The following SYBU variants were observed in gnomAD, a reference collection of about 807,000 sequenced individuals.
The protein encoded by SYBU is GOLSYN A protein.
In SYBU, 21 loss-of-function variants were observed where a neutral mutation model predicts 35.9. That is an observed-to-expected ratio of 0.58 (90% CI 0.41 to 0.84). SYBU has a LOEUF of 0.84. Ranked by LOEUF, SYBU falls within the 40% of genes least tolerant of loss-of-function variation. The pLI, the probability that SYBU is intolerant of heterozygous loss-of-function variation, is 0.00. For missense variants in SYBU, 768 were observed against 848.2 expected, an observed-to-expected ratio of 0.91 and a Z score of 1.17; for synonymous variants, 319 against 324.3, an observed-to-expected ratio of 0.98 and a Z score of 0.18.
intron 1 of SYBU, among the ~76,000 whole-genome samples, chr8:109,666,408 A>G (rs1389616416): frequency 1.3e-5 from 2 of 152,102 alleles, no homozygotes; most frequent in African/African-American, 4.8e-5. Flanking sequence ...TACAAATAAA[A>G]AACGTCTCCC....
chr8:109,597,018 C>T (rs1434937199), intron 3 of SYBU, among the ~76,000 whole-genome samples: 4 of 152,084 alleles, frequency 2.6e-5, no homozygotes, highest in Non-Finnish European at 2.9e-5. Flanking sequence ...TTACCTTATT[C>T]CAATTTTAGG....
chr8:109,662,955 G>T (rs993262113), intron 1 of SYBU, among the ~76,000 whole-genome samples: 6 of 152,062 alleles, frequency 3.9e-5, no homozygotes, highest in African/African-American at 1.4e-4. Flanking sequence ...TAAACATATT[G>T]TAGATGCACA....
intron 1 of SYBU, among the ~76,000 whole-genome samples, chr8:109,660,301 A>G (rs763157366): frequency 6.6e-6 from 1 of 152,212 alleles, no homozygotes; most frequent in Non-Finnish European, 1.5e-5. Context: ...GACAAGTTAC[A>G]AGTTATTTTA....
At chr8:109,671,811 T>C (rs890916508) in intron 1 of SYBU, among the ~76,000 whole-genome samples, 3 of 152,200 alleles carry the variant, frequency 2.0e-5, no homozygotes, top group African/African-American at 7.2e-5. Context: ...GTTATAAAAA[T>C]GAGGATGGCA....
At chr8:109,624,619 C>G (rs1812781541) in intron 2 of SYBU, among the ~76,000 whole-genome samples, 1 of 152,152 alleles carries the variant, frequency 6.6e-6, no homozygotes, top group Non-Finnish European at 1.5e-5. Context: ...GTGGGAAAAC[C>G]CCTCTGATGG....
chr8:109,673,661 C>A (rs1200603741), intron 1 of SYBU, among the ~76,000 whole-genome samples: 1 of 152,104 alleles, frequency 6.6e-6, no homozygotes, highest in Non-Finnish European at 1.5e-5. Flanking sequence ...AGCAAGGGAA[C>A]AAAACCGAAC....
chr8:109,644,090 C>T (rs1182709250), intron 1 of SYBU: 2 of 456,772 alleles, frequency 4.4e-6, no homozygotes, highest in East Asian at 6.9e-5. Context: ...TCTGGGAGGC[C>T]GGCACATGGC....
Position 109,575,678 on chromosome 8 carries a change from A to G in SYBU, c.1220T>C (p.Leu407Pro), listed in dbSNP as rs1420582348. 6.2e-7 allele frequency: 1 copy of G among 1,614,046 alleles called. No individual in the cohort carries two copies. The highest frequency in any genetic ancestry group is 8.5e-7 in the Non-Finnish European group (1 of 1,179,998). The change falls in exon 7 of 7, where the codon CTT (leucine) becomes CCT (proline). Residue 407 changes from leucine to proline, a missense_variant. Coordinates refer to ENST00000276646, the MANE Select transcript of SYBU (RefSeq NM_001099754.2). ...AGATAACCCATCTGCCATTGTGTCA[A>G]GAGGGGGGTTGAGGGTTAAGCTCTT... ...PEKSLTLNPP[L>P]DTMADGLSLE...
At chr8:109,682,761 C>T (rs914728327), upstream of SYBU, among the ~76,000 whole-genome samples, 2 of 152,198 alleles carry the variant, frequency 1.3e-5, no homozygotes, top group Admixed American at 6.5e-5. Context: ...GCAGCAGTCC[C>T]TCCCATCACA....
In SYBU at chr8:109,576,011, T is replaced by C; in HGVS notation, c.887A>G (p.Glu296Gly). 1 of 1,538,016 alleles carries C rather than the reference T, an allele frequency of 6.5e-7. No homozygotes were observed. Among genetic ancestry groups the C allele is most frequent in the African/African-American group, 1.5e-5 (1 of 68,896 alleles). Residue 296 changes from glutamate (E) to glycine (G), a missense_variant and splice_region_variant, in exon 7 of 7, where the codon GAA (glutamate) becomes GGA (glycine). Transcript: ENST00000276646. Reference protein sequence around the residue: ...KESERRLHERESEIVELKSQL... With the variant: ...KESERRLHERGSEIVELKSQL... ...GGACTTAAGCTCCACGATTTCACTT[T>C]CCCTAGAGTGCCAAGACAAGCATGG...
rs906773603 is a variant in SYBU, at chr8:109,610,996, T to C, written c.427+7846A>G. Among the ~76,000 whole-genome samples the C allele has an allele frequency of 2.6e-5, 4 of 152,250 alleles. No homozygotes were observed. The East Asian group carries it at 7.7e-4, about 29-fold the overall frequency. On this transcript the variant is annotated intron_variant, in intron 3 of 6. Transcript: ENST00000276646. Reference sequence around the variant, plus strand: ...GTCTCTTCAATAAATGCTCCTCAATTAGGGAGGTGGGGAAAGCCCAACCTA... The same window carrying C: ...GTCTCTTCAATAAATGCTCCTCAATCAGGGAGGTGGGGAAAGCCCAACCTA...
chr8:109,674,643 C>T (rs1817118067), intron 1 of SYBU, among the ~76,000 whole-genome samples: 1 of 151,882 alleles, frequency 6.6e-6, no homozygotes, highest in Non-Finnish European at 1.5e-5. Flanking sequence ...CAAAATAAAG[C>T]AAGTTCTTAG....
chr8:109,658,294 T>C (rs1030898805), intron 1 of SYBU, among the ~76,000 whole-genome samples: 2 of 152,194 alleles, frequency 1.3e-5, no homozygotes, highest in Admixed American at 6.5e-5. Flanking sequence ...GGAGGAAATA[T>C]ATAAAGGAGG....
chr8:109,671,899 A>G (rs755938900), intron 1 of SYBU, among the ~76,000 whole-genome samples: 2 of 151,872 alleles, frequency 1.3e-5, no homozygotes, highest in Non-Finnish European at 2.9e-5. Context: ...GTCAAAATGA[A>G]TTTTTTTTGT....
At chr8:109,593,028 C>A (rs770981664) in intron 3 of SYBU, among the ~76,000 whole-genome samples, 1 of 152,124 alleles carries the variant, frequency 6.6e-6, no homozygotes, top group Admixed American at 6.5e-5. Context: ...GTTCCTAAAC[C>A]TAACTGTGCA....
At chr8:109,650,191 G>A (rs1259107404) in intron 1 of SYBU, among the ~76,000 whole-genome samples, 1 of 152,146 alleles carries the variant, frequency 6.6e-6, no homozygotes, top group African/African-American at 2.4e-5. Flanking sequence ...ATCCATAGCA[G>A]TCTAGGCTTA....
intron 2 of SYBU, among the ~76,000 whole-genome samples, chr8:109,642,412 T>G (rs1287614104): frequency 1.3e-5 from 2 of 152,194 alleles, no homozygotes; most frequent in Admixed American, 6.5e-5. Flanking sequence ...ACCTGCATGT[T>G]CTGCACGTGT....
At chr8:109,685,461 TCA>T (rs1817499316), upstream of SYBU, among the ~76,000 whole-genome samples, 1 of 152,242 alleles carries the variant, frequency 6.6e-6, no homozygotes, top group Non-Finnish European at 1.5e-5. Context: ...TTTTGTGCAC[TCA>T]CTATGAGTTA....
At chr8:109,645,161 C>A (rs1563760381), upstream of SYBU, 2 of 457,972 alleles carry the variant, frequency 4.4e-6, no homozygotes, top group Middle Eastern at 6.5e-4. Flanking sequence ...AGAAAAGCTG[C>A]GACATCACAG....
Sources: allele counts gnomAD v4.1 joint callset (sites outside exome capture counted in the v4.1 genomes callset), GRCh38; gene constraint gnomAD v4.1.1; transcripts MANE v1.5; gene names NCBI Gene and HGNC (gene_info 2026-07-23, HGNC 2026-07-21).